The following PPP2R5E variants were observed in gnomAD, a reference collection of about 807,000 sequenced individuals.
PPP2R5E encodes the protein protein phosphatase 2 regulatory subunit B'epsilon.
PPP2R5E carries 4 observed loss-of-function variants against 65.3 expected under a neutral mutation model. The observed-to-expected ratio is 0.06, with a 90% CI of 0.03 to 0.14. The LOEUF (loss-of-function observed/expected upper bound fraction) is 0.14, where lower values mean the gene tolerates loss of function less well. Ranked by LOEUF, PPP2R5E falls within the 10% of genes least tolerant of loss-of-function variation. The probability of loss-of-function intolerance (pLI) is 1.00; values close to 1 mark genes in which losing one functional copy is unlikely to be tolerated. For missense variants in PPP2R5E, 274 were observed against 556.1 expected (o/e 0.49, Z 5.10); for synonymous variants, 183 against 187.4 (o/e 0.98, Z 0.19).
intron 2 of PPP2R5E, among the ~76,000 whole-genome samples, chr14:63,498,598 C>G (rs552197741): frequency 6.6e-6 from 1 of 151,856 alleles, no homozygotes; most frequent in Non-Finnish European, 1.5e-5. Context: ...CACTCTGTCA[C>G]CCAGGCTGGA....
At chr14:63,520,648 C>T (rs1594965953) in intron 2 of PPP2R5E, among the ~76,000 whole-genome samples, 1 of 151,878 alleles carries the variant, frequency 6.6e-6, no homozygotes, top group Non-Finnish European at 1.5e-5. Context: ...AATTTAAGGC[C>T]CTTGGAGGAG....
intron 5 of PPP2R5E, among the ~76,000 whole-genome samples, chr14:63,404,401 T>C (rs1594836235): frequency 6.6e-6 from 1 of 152,214 alleles, no homozygotes; most frequent in Admixed American, 6.5e-5. Flanking sequence ...TCTGGCTTTG[T>C]TTGCAACTTT....
At chr14:63,538,034 T>C (rs961556692) in intron 2 of PPP2R5E, among the ~76,000 whole-genome samples, 4 of 152,196 alleles carry the variant, frequency 2.6e-5, no homozygotes, top group African/African-American at 7.2e-5. Context: ...GGGCCGGGCA[T>C]GGTGGCTCAC....
intron 2 of PPP2R5E, among the ~76,000 whole-genome samples, chr14:63,522,776 G>A (rs1433620528): frequency 2.0e-5 from 3 of 151,498 alleles, no homozygotes; most frequent in African/African-American, 7.3e-5. Flanking sequence ...AGTGAGGAGC[G>A]TCACCGCCCG....
intron 3 of PPP2R5E, among the ~76,000 whole-genome samples, chr14:63,429,964 G>A (rs1318444828): frequency 2.0e-5 from 3 of 152,086 alleles, no homozygotes; most frequent in African/African-American, 2.4e-5. Context: ...GATTACAGGC[G>A]TGAGCCCCTG....
chr14:63,411,650 T>C (rs968854103), intron 5 of PPP2R5E, among the ~76,000 whole-genome samples: 1 of 124,394 alleles, frequency 8.0e-6, no homozygotes, highest in African/African-American at 3.2e-5. Context: ...CCGTGAGATG[T>C]GGTTGTTTAA....
At chr14:63,381,098 C>T (rs1884328249) in intron 13 of PPP2R5E, among the ~76,000 whole-genome samples, 1 of 152,184 alleles carries the variant, frequency 6.6e-6, no homozygotes, top group Non-Finnish European at 1.5e-5. Flanking sequence ...CTACTAAGAG[C>T]TCTCTAGACT....
rs575543871 is a variant in PPP2R5E, at chr14:63,466,007, C to T, written c.158-12122G>A. ...TAACATTCAATTGACCCTCCCTCCC[C>T]ACAACCCGGCCAAAAAAACGGCAAT... On this transcript the variant is annotated intron_variant, in intron 2 of 13. Coordinates refer to ENST00000337537, the MANE Select transcript of PPP2R5E (RefSeq NM_006246.5). Among the ~76,000 whole-genome samples, 37 of 152,236 alleles carry T rather than the reference C, an allele frequency of 2.4e-4. 2 individuals carry two copies. In the South Asian group the frequency reaches 7.3e-3, roughly 30 times the overall value.
At chr14:63,519,089 C>T (rs1304217808) in intron 2 of PPP2R5E, among the ~76,000 whole-genome samples, 1 of 152,102 alleles carries the variant, frequency 6.6e-6, no homozygotes, top group African/African-American at 2.4e-5. Flanking sequence ...TGGCACATGC[C>T]TGTAGTCCCA....
intron 4 of PPP2R5E, among the ~76,000 whole-genome samples, chr14:63,419,862 G>C (rs1176752694): frequency 6.6e-6 from 1 of 152,130 alleles, no homozygotes; most frequent in Non-Finnish European, 1.5e-5. Context: ...AAGGGCACAG[G>C]TCTCATTACC....
chr14:63,492,723 T>C (rs1891340401), intron 2 of PPP2R5E, among the ~76,000 whole-genome samples: 1 of 152,110 alleles, frequency 6.6e-6, no homozygotes, highest in Non-Finnish European at 1.5e-5. Context: ...AGTGTTTTGT[T>C]TTTGTTTGTT....
intron 2 of PPP2R5E, among the ~76,000 whole-genome samples, chr14:63,504,839 T>C (rs138592836): frequency 1.3e-5 from 2 of 152,316 alleles, no homozygotes; most frequent in African/African-American, 4.8e-5. Context: ...TGGTCATCTT[T>C]GTCACTCCAG....
intron 5 of PPP2R5E, among the ~76,000 whole-genome samples, chr14:63,400,156 T>C (rs1417238671): frequency 1.3e-5 from 2 of 152,222 alleles, no homozygotes; most frequent in Admixed American, 6.5e-5. Context: ...CAAGTAAATA[T>C]TTATGGTGTG....
At chr14:63,406,800 T>A (rs887541578) in intron 5 of PPP2R5E, among the ~76,000 whole-genome samples, 1 of 152,196 alleles carries the variant, frequency 6.6e-6, no homozygotes, top group Non-Finnish European at 1.5e-5. Flanking sequence ...AGGAAACCCA[T>A]GTAACATCTT....
chr14:63,475,326 C>T (rs759121513), intron 2 of PPP2R5E, among the ~76,000 whole-genome samples: 5 of 152,208 alleles, frequency 3.3e-5, no homozygotes, highest in Non-Finnish European at 7.3e-5. Context: ...CACGGAGTCA[C>T]CCAATCCGTC....
chr14:63,427,772 G>A (rs1405251431), intron 3 of PPP2R5E, among the ~76,000 whole-genome samples: 1 of 152,138 alleles, frequency 6.6e-6, no homozygotes, highest in Non-Finnish European at 1.5e-5. Context: ...CTCCACTAAC[G>A]AGCTTTTAGA....
At chr14:63,454,682 G>T (rs1359976889) in intron 2 of PPP2R5E, among the ~76,000 whole-genome samples, 4 of 152,182 alleles carry the variant, frequency 2.6e-5, no homozygotes, top group Non-Finnish European at 5.9e-5. Context: ...TCCTCAGCTA[G>T]AAAGGAGCCT....
intron 2 of PPP2R5E, among the ~76,000 whole-genome samples, chr14:63,513,976 GTTTTCTACGGCATAT>G (rs1892562542): frequency 6.6e-6 from 1 of 152,190 alleles, no homozygotes; most frequent in Non-Finnish European, 1.5e-5. Flanking sequence ...CCAGCCCAAT[GTTTTCTACGGCATAT>G]TTCAAGGAGA....
chr14:63,405,713 T>C (rs73272572), intron 5 of PPP2R5E, among the ~76,000 whole-genome samples: 13,920 of 152,260 alleles, frequency 0.091, 815 homozygotes, highest in African/African-American at 0.13. Flanking sequence ...TGCTAATTCA[T>C]TTAGGTCTAA....
Sources: gnomAD v4.1 joint callset for allele counts (sites outside exome capture counted in the v4.1 genomes callset) on GRCh38, gnomAD v4.1.1 for gene constraint, MANE v1.5 for transcripts, NCBI Gene and HGNC (gene_info 2026-07-23, HGNC 2026-07-21) for gene names.